The following RGL1 variants were observed in gnomAD, a reference collection of about 807,000 sequenced individuals.
RGL1 encodes ral guanine nucleotide dissociation stimulator-like 1.
A neutral mutation model predicts 95.2 loss-of-function variants in RGL1; 24 were observed. The ratio of observed to expected loss-of-function variants is 0.25; its 90% CI spans 0.18 to 0.35. The LOEUF (loss-of-function observed/expected upper bound fraction) is 0.35, where lower values mean the gene tolerates loss of function less well. Ranked by LOEUF, RGL1 falls within the 10% of genes least tolerant of loss-of-function variation. The pLI is 1.00. For synonymous variants in RGL1, 329 were observed against 344.9 expected, an observed-to-expected ratio of 0.95 and a Z score of 0.51; for missense variants, 715 against 936.3, an observed-to-expected ratio of 0.76 and a Z score of 3.08.
At chr1:183,767,541 T>C (rs1268156136) in intron 2 of RGL1, among the ~76,000 whole-genome samples, 1 of 152,190 alleles carries the variant, frequency 6.6e-6, no homozygotes, top group East Asian at 1.9e-4. Flanking sequence ...ACCAGTTAAG[T>C]ACTTTAGTGC....
chr1:183,669,207 G>C (rs1326794498), intron 1 of RGL1, among the ~76,000 whole-genome samples: 2 of 152,132 alleles, frequency 1.3e-5, no homozygotes, highest in Non-Finnish European at 2.9e-5. Flanking sequence ...CTCCCAAAGT[G>C]CTGGGATTAC....
chr1:183,776,141 A>ATTTT (rs66738956), intron 2 of RGL1, among the ~76,000 whole-genome samples: 14 of 88,828 alleles, frequency 1.6e-4, no homozygotes, highest in South Asian at 3.9e-4. Context: ...GGGAATACAG[A>ATTTT]TTTTTTTTTT....
intron 1 of RGL1, among the ~76,000 whole-genome samples, chr1:183,726,226 A>G (rs953577848): frequency 6.6e-6 from 1 of 152,106 alleles, no homozygotes; most frequent in Non-Finnish European, 1.5e-5. Context: ...CCAAGCTTCC[A>G]TCATAAGCTA....
intron 14 of RGL1, among the ~76,000 whole-genome samples, chr1:183,909,197 C>G (rs568156217): frequency 2.0e-5 from 3 of 152,134 alleles, no homozygotes; most frequent in Non-Finnish European, 4.4e-5. Flanking sequence ...GTTTGCATAC[C>G]ATTATTTTTC....
At chr1:183,901,688 T>C (rs1210293049) in intron 11 of RGL1, among the ~76,000 whole-genome samples, 1 of 151,948 alleles carries the variant, frequency 6.6e-6, no homozygotes, top group South Asian at 2.1e-4. Flanking sequence ...TGTCCCTCTT[T>C]CTCTCTGTTC....
Position 183,912,263 on chromosome 1 carries a change from A to G in RGL1, c.1744A>G (p.Lys582Glu), listed in dbSNP as rs1399332545. Residue 582 changes from lysine to glutamate, a missense_variant, in exon 15 of 18, where the codon AAA (lysine) becomes GAA (glutamate). Transcript: ENST00000360851. Reference sequence around the variant, plus strand: ...CATGGACACCCCTGATGAGCCTCAAAAAAAGGTATATACTCAACCCTTCTC... The same window carrying G: ...CATGGACACCCCTGATGAGCCTCAAGAAAAGGTATATACTCAACCCTTCTC... Reference protein sequence around the residue: ...TPMDTPDEPQKKLSESSSSCS... With the variant: ...TPMDTPDEPQEKLSESSSSCS... The G allele has an allele frequency of 6.2e-7, 1 of 1,613,788 alleles. No homozygotes were observed. The highest frequency in any genetic ancestry group is 8.5e-7 in the Non-Finnish European group (1 of 1,179,828).
chr1:183,768,198 C>G (rs1281078549), intron 2 of RGL1, among the ~76,000 whole-genome samples: 1 of 151,570 alleles, frequency 6.6e-6, no homozygotes, highest in Non-Finnish European at 1.5e-5. Flanking sequence ...AACAGAAGGA[C>G]CATGCATGGA....
At chr1:183,792,568 T>C (rs893826916) in intron 2 of RGL1, among the ~76,000 whole-genome samples, 1 of 151,938 alleles carries the variant, frequency 6.6e-6, no homozygotes, top group Non-Finnish European at 1.5e-5. Flanking sequence ...TATATATACA[T>C]AAACCAAAAA....
At chr1:183,685,257 G>T (rs1010361706) in intron 1 of RGL1, among the ~76,000 whole-genome samples, 2 of 152,146 alleles carry the variant, frequency 1.3e-5, no homozygotes, top group Admixed American at 6.6e-5. Flanking sequence ...ACATGGAAAG[G>T]AAACGCCAGC....
intron 2 of RGL1, among the ~76,000 whole-genome samples, chr1:183,779,083 T>A (rs1659746989): frequency 6.6e-6 from 1 of 152,120 alleles, no homozygotes; most frequent in South Asian, 2.1e-4. Flanking sequence ...CAGACTGCTA[T>A]CAGTAAGGAA....
intron 1 of RGL1, among the ~76,000 whole-genome samples, chr1:183,681,612 T>C (rs545946900): frequency 1.3e-5 from 2 of 152,336 alleles, no homozygotes; most frequent in Admixed American, 1.3e-4. Flanking sequence ...TCGATGTTCA[T>C]CAAAGATATT....
chr1:183,650,071 C>T (rs1650607588), intron 1 of RGL1, among the ~76,000 whole-genome samples: 1 of 152,142 alleles, frequency 6.6e-6, no homozygotes, highest in Non-Finnish European at 1.5e-5. Context: ...CCTTGGCCTC[C>T]CAAAGTGCTG....
intron 1 of RGL1, among the ~76,000 whole-genome samples, chr1:183,642,104 A>G (rs894166248): frequency 1.3e-5 from 2 of 152,244 alleles, no homozygotes; most frequent in African/African-American, 4.8e-5. Context: ...CTTAAAGAAA[A>G]TAAGAAGTCA....
At position 183,643,258 on chromosome 1, in the gene RGL1, GT is replaced by G. The variant is rs1553265191; in HGVS notation, c.-33+6764del. Among the ~76,000 whole-genome samples the G allele has an allele frequency of 5.4e-4, 77 of 142,960 alleles. 1 individual carries two copies. Among genetic ancestry groups the G allele is most frequent in the African/African-American group, 1.9e-3 (72 of 38,272 alleles). The allele number at this position is 142,960 out of a possible 152,430, so 93.8% of individuals were successfully genotyped here. Reference sequence around the variant, plus strand: ...TGTAGAACTATCTCTTTGAGGTCCTGTTTTTTTATTTATTTATTTATTTATT... The same window carrying G: ...TGTAGAACTATCTCTTTGAGGTCCTGTTTTTTATTTATTTATTTATTTATT... On this transcript the variant is annotated intron_variant, in intron 1 of 18. Transcript: ENST00000304685.
intron 2 of RGL1, among the ~76,000 whole-genome samples, chr1:183,758,274 G>A (rs1558191206): frequency 6.6e-6 from 1 of 150,676 alleles, no homozygotes; most frequent in Non-Finnish European, 1.5e-5. Flanking sequence ...TTGGTTCACT[G>A]CAAGCTCTGC....
At chr1:183,846,741 G>T (rs1398451456) in intron 2 of RGL1, among the ~76,000 whole-genome samples, 1 of 152,186 alleles carries the variant, frequency 6.6e-6, no homozygotes, top group South Asian at 2.1e-4. Context: ...TTAGTCGGGT[G>T]TGGTGATGGG....
intron 1 of RGL1, among the ~76,000 whole-genome samples, chr1:183,709,135 C>T (rs2102167861): frequency 6.6e-6 from 1 of 152,266 alleles, no homozygotes; most frequent in African/African-American, 2.4e-5. Flanking sequence ...CTCTCTCAGC[C>T]TTCAGGGGGT....
intron 13 of RGL1, among the ~76,000 whole-genome samples, chr1:183,905,417 A>AAAGTT: frequency 1.1e-5 from 1 of 89,386 alleles, no homozygotes; most frequent in Non-Finnish European, 2.9e-5. Context: ...ACTTTGAAAT[A>AAAGTT]TGATGGGTAA....
chr1:183,798,542 T>C (rs1014886911), intron 2 of RGL1, among the ~76,000 whole-genome samples: 3 of 152,160 alleles, frequency 2.0e-5, no homozygotes, highest in African/African-American at 7.2e-5. Context: ...ATTTTGTGTG[T>C]GTATGTGAAG....
Sources: allele counts gnomAD v4.1 joint callset (sites outside exome capture counted in the v4.1 genomes callset), GRCh38; gene constraint gnomAD v4.1.1; transcripts MANE v1.5; gene names NCBI Gene and HGNC (gene_info 2026-07-23, HGNC 2026-07-21).